RORC: variants seen among roughly 807,000 people sequenced by gnomAD.
RORC encodes nuclear receptor ROR-gamma.
RORC carries 13 observed loss-of-function variants against 64.5 expected under a neutral mutation model. That is an observed-to-expected ratio of 0.20 (90% CI 0.13 to 0.32). The LOEUF (loss-of-function observed/expected upper bound fraction) is 0.32. RORC is among the 10% of genes least tolerant of loss of function. RORC has a pLI of 1.00. For synonymous variants in RORC, 277 were observed against 259.3 expected (o/e 1.07, Z -0.65); for missense variants, 468 against 669.5 (o/e 0.70, Z 3.32).
chr1:151,821,985 T>TC (rs1652008527), intron 2 of RORC, among the ~76,000 whole-genome samples: 1 of 152,098 alleles, frequency 6.6e-6, no homozygotes, highest in South Asian at 2.1e-4. Context: ...ACAACAGGGT[T>TC]CCCGGGGACT....
In RORC at chr1:151,830,621, TACACACACACAC is replaced by T. The variant is rs1553293049; in HGVS notation, c.40+1092_40+1103del. Among the ~76,000 whole-genome samples the T allele has an allele frequency of 2.4e-3, 136 of 57,186 alleles. 1 individual carries two copies. Among genetic ancestry groups the T allele is most frequent in the Middle Eastern group, 0.013 (1 of 78 alleles). 37.5% of individuals were successfully genotyped at this position (57,186 alleles called of 152,430 possible). On this transcript the variant is annotated intron_variant, in intron 1 of 10. Coordinates refer to ENST00000318247, the MANE Select transcript of RORC (RefSeq NM_005060.4). This position sits in a 1 kb window ranked among gnomAD's most constrained non-coding sequence, Gnocchi z 4.0. Reference sequence around the variant, plus strand: ...TGCTGTTCAGTCTTGACACCTGACATACACACACACACACACACACACACACACACACACACA... The same window carrying T: ...TGCTGTTCAGTCTTGACACCTGACATACACACACACACACACACACACACA...
At chr1:151,811,658 T>C (rs955616263) in intron 9 of RORC, 13 of 382,324 alleles carry the variant, frequency 3.4e-5, no homozygotes, top group Non-Finnish European at 5.3e-5. Context: ...GAATTTCTGA[T>C]CTCCTGACTC....
chr1:151,807,201 T>C lies in RORC; in HGVS notation c.*271A>G, dbSNP rs532295358. The C allele has an allele frequency of 2.2e-5, 8 of 367,238 alleles. No homozygotes were observed. Among genetic ancestry groups the C allele is most frequent in the Non-Finnish European group, 3.5e-5 (7 of 202,604 alleles). 22.7% of individuals were successfully genotyped at this position (367,238 alleles called of 1,614,324 possible). A position where few individuals can be genotyped will look rare whatever the true frequency, so the allele number is the denominator to read the frequency against. ...CCTTAAATCCCAGCCACCCCATGCC[T>C]TCCAGAAGCTGGGTGTGAAGGAATA... On this transcript the variant is annotated 3_prime_UTR_variant, in exon 11 of 11. Transcript: ENST00000318247. This position sits in a 1 kb window ranked among gnomAD's most constrained non-coding sequence, Gnocchi z 5.0.
intron 8 of RORC, 53 bp from the exon 9 acceptor site, chr1:151,813,110 G>A (rs1219048572): frequency 7.5e-6 from 11 of 1,466,584 alleles, no homozygotes; most frequent in South Asian, 2.3e-5. Flanking sequence ...GATGGTGCCC[G>A]AGGACACCGC....
In RORC at chr1:151,807,063, G is replaced by A. The variant is rs1485356271; in HGVS notation, c.*409C>T. ...GAAGCCCAAAGGGAAATGCAATGAG[G>A]TATTTCAAAGGCTTATTCTTAGCTT... is the stretch of plus-strand genomic sequence containing the variant. On this transcript the variant is annotated 3_prime_UTR_variant, in exon 11 of 11. Transcript: ENST00000318247. This position sits in a 1 kb window ranked among gnomAD's most constrained non-coding sequence, Gnocchi z 5.0. The A allele has an allele frequency of 6.2e-6, 1 of 160,344 alleles. No homozygotes were observed. The highest frequency in any genetic ancestry group is 1.8e-4 in the East Asian group (1 of 5,594). 9.9% of individuals were successfully genotyped at this position (160,344 alleles called of 1,614,324 possible). A position where few individuals can be genotyped will look rare whatever the true frequency, so the allele number is the denominator to read the frequency against.
At chr1:151,823,537 C>T (rs1382225667) in intron 2 of RORC, among the ~76,000 whole-genome samples, 1 of 152,210 alleles carries the variant, frequency 6.6e-6, no homozygotes, top group Non-Finnish European at 1.5e-5. Context: ...GTCTCCCTGT[C>T]TTCCCTTTAC....
At chr1:151,814,770 C>A in intron 5 of RORC, 75 bp from the exon 6 acceptor site, 1 of 1,554,714 alleles carries the variant, frequency 6.4e-7, no homozygotes, top group Non-Finnish European at 8.7e-7. Context: ...CACTTCTCAG[C>A]CTGGCCTATC....
intron 1 of RORC, chr1:151,831,225 G>T: frequency 1.3e-6 from 1 of 769,356 alleles, no homozygotes; most frequent in Non-Finnish European, 1.8e-6. Flanking sequence ...GGTTCCCCCT[G>T]CCACACTCCC....
At position 151,830,855 on chromosome 1, in the gene RORC, C is replaced by T. The variant is rs558389023; in HGVS notation, c.40+870G>A. 133 of 1,000,986 alleles carry T rather than the reference C, an allele frequency of 1.3e-4. No individual in the cohort carries two copies. Among genetic ancestry groups the T allele is most frequent in the Admixed American group, 2.0e-4 (7 of 35,532 alleles). The allele number at this position is 1,000,986 out of a possible 1,614,324, so 62.0% of individuals were successfully genotyped here. ...TGGCCCCACCCAGCTTCCTCCCTGA[C>T]GTGGCACCGGCTCCTGGCCTCTAGC... On this transcript the variant is annotated intron_variant, in intron 1 of 10. Coordinates refer to ENST00000318247, the MANE Select transcript of RORC (RefSeq NM_005060.4). This position sits in a 1 kb window ranked among gnomAD's most constrained non-coding sequence, Gnocchi z 4.0.
chr1:151,830,617 G>GACACACACAC lies in RORC; in HGVS notation c.40+1107_40+1108insGTGTGTGTGT, dbSNP rs1184659088. On this transcript the variant is annotated intron_variant, in intron 1 of 10. Transcript: ENST00000318247. This position sits in a 1 kb window ranked among gnomAD's most constrained non-coding sequence, Gnocchi z 4.0. Reference sequence around the variant, plus strand: ...CTTCTGCTGTTCAGTCTTGACACCTGACATACACACACACACACACACACA... The same window carrying GACACACACAC: ...CTTCTGCTGTTCAGTCTTGACACCTGACACACACACACATACACACACACACACACACACA... 2.8e-4 allele frequency among the ~76,000 whole-genome samples: 8 copies of GACACACACAC among 28,316 alleles called. No individual in the cohort carries two copies. Among genetic ancestry groups the GACACACACAC allele is most frequent in the African/African-American group, 5.3e-4 (7 of 13,204 alleles). The allele number at this position is 28,316 out of a possible 152,430, so 18.6% of individuals were successfully genotyped here.
At chr1:151,821,311 C>G (rs1319705759) in intron 2 of RORC, among the ~76,000 whole-genome samples, 2 of 152,164 alleles carry the variant, frequency 1.3e-5, no homozygotes, top group African/African-American at 4.8e-5. Context: ...CACCACCCCC[C>G]CACCATCATG....
At chr1:151,829,316 C>G in intron 2 of RORC, 113 bp downstream of exon 2, 1 of 1,009,272 alleles carries the variant, frequency 9.9e-7, no homozygotes, top group Non-Finnish European at 1.4e-6. Flanking sequence ...CCTGCCATCT[C>G]TTCCTGACTC....
intron 1 of RORC, chr1:151,831,052 T>C (rs759255158): frequency 2.8e-5 from 36 of 1,289,242 alleles, no homozygotes; most frequent in Non-Finnish European, 3.3e-5. Context: ...CTGAGGGGGT[T>C]CCTGACTTGG....
chr1:151,823,301 C>T (rs76990585), intron 2 of RORC, among the ~76,000 whole-genome samples: 27,473 of 152,212 alleles, frequency 0.18, 3,337 homozygotes, highest in South Asian at 0.38. Flanking sequence ...CGGCCTCCCA[C>T]CTCCCCATCC....
intron 10 of RORC, among the ~76,000 whole-genome samples, chr1:151,810,393 T>C (rs1218252952): frequency 1.3e-5 from 2 of 152,218 alleles, no homozygotes; most frequent in African/African-American, 4.8e-5. Context: ...TTTTAATCCC[T>C]GTTTTATACT....
At position 151,830,066 on chromosome 1, in the gene RORC, T is replaced by G. The variant is rs1324685241; in HGVS notation, c.41-608A>C. 6.6e-6 allele frequency among the ~76,000 whole-genome samples: 1 copy of G among 152,080 alleles called. No homozygotes were observed. The highest frequency in any genetic ancestry group is 1.5e-5 in the Non-Finnish European group (1 of 68,020). On this transcript the variant is annotated intron_variant, in intron 1 of 10. Transcript: ENST00000318247. This position sits in a 1 kb window ranked among gnomAD's most constrained non-coding sequence, Gnocchi z 4.0. ...GACTGAAATCTCTTGGTTGCTTATC[T>G]ATGCCTGAAAACACCAGGGCTTCAG...
chr1:151,813,808 C>A, intron 6 of RORC, 188 bp from the exon 7 acceptor site: 1 of 614,162 alleles, frequency 1.6e-6, no homozygotes, highest in South Asian at 2.1e-5. Context: ...ACACACTGAG[C>A]ACCTACCGGC....
intron 2 of RORC, chr1:151,826,007 C>T (rs1228458362): frequency 1.2e-6 from 2 of 1,605,414 alleles, no homozygotes; most frequent in Middle Eastern, 1.7e-4. Context: ...GAGTGGGGTG[C>T]AGCTGGCGGC....
chr1:151,823,489 C>G (rs1189259271), intron 2 of RORC, among the ~76,000 whole-genome samples: 2 of 152,216 alleles, frequency 1.3e-5, no homozygotes, highest in African/African-American at 4.8e-5. Context: ...CTTGTCAGAG[C>G]CACCCTACTT....
Sources: gnomAD v4.1 joint callset for allele counts (sites outside exome capture counted in the v4.1 genomes callset) on GRCh38, gnomAD v4.1.1 for gene constraint, Gnocchi (gnomAD v3.1) non-coding constraint, MANE v1.5 for transcripts, NCBI Gene and HGNC (gene_info 2026-07-23, HGNC 2026-07-21) for gene names.